STOX1: variants seen among roughly 807,000 people sequenced by gnomAD.
STOX1 encodes the protein storkhead-box protein 1.
In STOX1, 57 loss-of-function variants were observed where a neutral mutation model predicts 74.8. The ratio of observed to expected loss-of-function variants is 0.76; its 90% CI spans 0.62 to 0.95. The LOEUF is 0.95. Ranked by LOEUF, STOX1 falls within the 40% of genes least tolerant of loss-of-function variation. The pLI is 0.00. For synonymous variants in STOX1, 375 were observed against 401.3 expected (o/e 0.93, Z 0.78); for missense variants, 1,010 against 1,117.0 (o/e 0.90, Z 1.37).
At chr10:68,864,746 T>A (rs1840360910) in intron 1 of STOX1, among the ~76,000 whole-genome samples, 1 of 152,224 alleles carries the variant, frequency 6.6e-6, no homozygotes, top group Non-Finnish European at 1.5e-5. Context: ...ATGGACTTGC[T>A]TTTCAATTAG....
chr10:68,843,251 C>T (rs918573707), intron 1 of STOX1, among the ~76,000 whole-genome samples: 3 of 152,024 alleles, frequency 2.0e-5, no homozygotes, highest in South Asian at 4.1e-4. Context: ...AGACTGGTCC[C>T]GAACTCCTGG....
At chr10:68,856,058 T>G (rs1215865846) in intron 1 of STOX1, among the ~76,000 whole-genome samples, 1 of 152,084 alleles carries the variant, frequency 6.6e-6, no homozygotes, top group Non-Finnish European at 1.5e-5. Context: ...GAGTGCTCAC[T>G]GCACCCAGAA....
At chr10:68,848,523 C>A (rs1159086064) in intron 1 of STOX1, among the ~76,000 whole-genome samples, 1 of 152,166 alleles carries the variant, frequency 6.6e-6, no homozygotes, top group Admixed American at 6.6e-5. Flanking sequence ...ACCTTTCATG[C>A]CTCTGCTTCC....
chr10:68,852,597 T>TC (rs1840016405), intron 1 of STOX1, among the ~76,000 whole-genome samples: 1 of 151,482 alleles, frequency 6.6e-6, no homozygotes, highest in South Asian at 2.1e-4. Context: ...TTTTTTTTTT[T>TC]CTCCAAGACA....
chr10:68,883,758 CTTTTTTTTT>C (rs71028801), intron 2 of STOX1, among the ~76,000 whole-genome samples: 1 of 85,536 alleles, frequency 1.2e-5, no homozygotes, highest in African/African-American at 5.3e-5. Flanking sequence ...GCTTCTTTGG[CTTTTTTTTT>C]TTTTTTTTTT....
At chr10:68,839,751 G>C (rs111234692) in intron 1 of STOX1, among the ~76,000 whole-genome samples, 1 of 152,060 alleles carries the variant, frequency 6.6e-6, no homozygotes. Context: ...TTAGCCAGGC[G>C]TGGTAGTGGG....
At chr10:68,872,655 A>AT (rs1314939644) in intron 1 of STOX1, among the ~76,000 whole-genome samples, 1 of 152,036 alleles carries the variant, frequency 6.6e-6, no homozygotes, top group Non-Finnish European at 1.5e-5. Flanking sequence ...TCTAGGATTC[A>AT]TTTTTTTCTA....
chr10:68,852,243 T>C (rs1276619343), intron 1 of STOX1, among the ~76,000 whole-genome samples: 1 of 144,992 alleles, frequency 6.9e-6, no homozygotes, highest in Non-Finnish European at 1.5e-5. Flanking sequence ...AGTTTTTCTC[T>C]TACTGCTTTT....
At position 68,827,903 on chromosome 10, in the gene STOX1, C is replaced by T. The variant is rs1839304642; in HGVS notation, c.280C>T (p.Pro94Ser). Residue 94 changes from proline to serine, a missense_variant, in exon 1 of 4, where the codon CCG (proline) becomes TCG (serine). By Grantham distance (74) the Pro-to-Ser change is moderately conservative. Transcript: ENST00000298596. ...TGCCTGGCGGCGCCGGGCCCTGCGGCCGCCGCGCGGCTTCCGCATCAGGGC... is the reference window on the plus strand; with the variant it reads ...TGCCTGGCGGCGCCGGGCCCTGCGGTCGCCGCGCGGCTTCCGCATCAGGGC... ...RDAWRRRALR[P>S]PRGFRIRAVG... is the part of the protein sequence containing the mutation. The T allele has an allele frequency of 4.2e-5, 2 of 47,262 alleles. No individual in the cohort carries two copies. The highest frequency in any genetic ancestry group is 5.4e-5 in the Non-Finnish European group (2 of 37,220). The allele number at this position is 47,262 out of a possible 1,614,324, so 2.9% of individuals were successfully genotyped here. A position where few individuals can be genotyped will look rare whatever the true frequency, so the allele number is the denominator to read the frequency against.
At chr10:68,870,947 T>A (rs1488745512) in intron 1 of STOX1, among the ~76,000 whole-genome samples, 1 of 152,244 alleles carries the variant, frequency 6.6e-6, no homozygotes, top group Non-Finnish European at 1.5e-5. Flanking sequence ...GCTTCTGACC[T>A]ATAGACTGTG....
In STOX1 at chr10:68,885,257, G is replaced by A; in HGVS notation, c.1461G>A (p.Leu487=). 1 of 1,614,196 alleles carries A rather than the reference G, an allele frequency of 6.2e-7. No homozygotes were observed. The highest frequency in any genetic ancestry group is 8.5e-7 in the Non-Finnish European group (1 of 1,180,036). ...TTACAACAGTGCTAGGTTCCCATTT[G>A]ATTTACAAAAAGCGAATCAGTAATC... ...GEITTVLGSH[L]IYKKRISNPF... The change falls in exon 3 of 4, where the codon TTG becomes TTA. Residue 487 remains leucine (L), a synonymous_variant. Coordinates refer to ENST00000298596, the MANE Select transcript of STOX1 (RefSeq NM_152709.5).
chr10:68,875,953 G>A (rs1452036162), intron 1 of STOX1, among the ~76,000 whole-genome samples: 4 of 151,954 alleles, frequency 2.6e-5, no homozygotes, highest in Non-Finnish European at 5.9e-5. Flanking sequence ...TTTGTGAATT[G>A]GGCATCCACA....
chr10:68,828,190 C>G, intron 1 of STOX1: 1 of 877,702 alleles, frequency 1.1e-6, no homozygotes, highest in Non-Finnish European at 1.4e-6. Flanking sequence ...GCGCGCCCCC[C>G]GCCTGCCTGC....
chr10:68,846,119 T>TTTTTTTTTATTATTA (rs1167242930), intron 1 of STOX1, among the ~76,000 whole-genome samples: 6 of 135,846 alleles, frequency 4.4e-5, no homozygotes, highest in Non-Finnish European at 9.5e-5. Context: ...GCTTGAGGTT[T>TTTTTTTTTATTATTA]TTATTATTAT....
rs898268326 is a variant in STOX1, at chr10:68,828,380, C to G, written c.310+447C>G. ...CTTCTGCCACAGAGGCTAGGCGCTG[C>G]TCTGAGGGCCCGGGGGCTGCGGTTG... On this transcript the variant is annotated intron_variant, in intron 1 of 3. Transcript: ENST00000298596. The G allele has an allele frequency of 1.5e-5, 13 of 850,282 alleles. No individual in the cohort carries two copies. The East Asian group carries it at 6.7e-4, about 44-fold the overall frequency. 52.7% of individuals were successfully genotyped at this position (850,282 alleles called of 1,614,324 possible). A position where few individuals can be genotyped will look rare whatever the true frequency, so the allele number is the denominator to read the frequency against.
chr10:68,838,833 C>G (rs531056444), intron 1 of STOX1, among the ~76,000 whole-genome samples: 1 of 151,872 alleles, frequency 6.6e-6, no homozygotes, highest in African/African-American at 2.4e-5. Flanking sequence ...TGGTGTGAAC[C>G]CAGGAGGCGG....
At chr10:68,847,276 A>G (rs552119034) in intron 1 of STOX1, among the ~76,000 whole-genome samples, 5 of 152,338 alleles carry the variant, frequency 3.3e-5, no homozygotes, top group African/African-American at 1.2e-4. Context: ...AATATTTTGA[A>G]CAGCAACAAA....
chr10:68,882,168 A>T, intron 2 of STOX1, 58 bp downstream of exon 2: 3 of 1,534,930 alleles, frequency 2.0e-6, no homozygotes, highest in Non-Finnish European at 2.7e-6. Flanking sequence ...GTTTCTATTT[A>T]TAATTAGTCT....
intron 1 of STOX1, among the ~76,000 whole-genome samples, chr10:68,858,624 C>G (rs10998462): frequency 0.28 from 42,546 of 151,912 alleles, 6,521 homozygotes; most frequent in African/African-American, 0.38. Context: ...ACCTGAAAGA[C>G]ACTATTAATG....
Sources: gnomAD v4.1 joint callset for allele counts (sites outside exome capture counted in the v4.1 genomes callset) on GRCh38, gnomAD v4.1.1 for gene constraint, MANE v1.5 for transcripts, NCBI Gene and HGNC (gene_info 2026-07-23, HGNC 2026-07-21) for gene names.